ARHGAP44: variants seen among roughly 807,000 people sequenced by gnomAD.
The protein encoded by ARHGAP44 is Rho GTPase activating protein 44, also known as rho GTPase-activating protein 44.
A neutral mutation model predicts 106.8 loss-of-function variants in ARHGAP44; 43 were observed. The observed-to-expected ratio is 0.40, with a 90% CI of 0.32 to 0.52. ARHGAP44 has a LOEUF of 0.52. Ranked by LOEUF, ARHGAP44 falls within the 20% of genes least tolerant of loss-of-function variation. ARHGAP44 has a pLI of 0.48. For missense variants in ARHGAP44, 866 were observed against 1,050.5 expected (o/e 0.82, Z 2.43); for synonymous variants, 439 against 410.3 (o/e 1.07, Z -0.85).
chr17:12,927,163 G>C (rs1032424140), intron 6 of ARHGAP44, among the ~76,000 whole-genome samples: 2 of 151,920 alleles, frequency 1.3e-5, no homozygotes, highest in African/African-American at 4.8e-5. Context: ...TCTTATCTTG[G>C]AATCAGGAAT....
At chr17:12,975,577 T>G in intron 18 of ARHGAP44, among the ~76,000 whole-genome samples, 1 of 151,890 alleles carries the variant, frequency 6.6e-6, no homozygotes, top group East Asian at 2.0e-4. Context: ...GGCGGGTGGA[T>G]CACGAGGTCA....
chr17:12,926,346 CAG>C (rs1480703530), intron 6 of ARHGAP44, among the ~76,000 whole-genome samples: 2 of 148,976 alleles, frequency 1.3e-5, no homozygotes, highest in Non-Finnish European at 3.0e-5. Flanking sequence ...GCCTGGGTGA[CAG>C]AGCGAGACTT....
intron 1 of ARHGAP44, among the ~76,000 whole-genome samples, chr17:12,844,714 C>A (rs1490368808): frequency 6.6e-6 from 1 of 152,118 alleles, no homozygotes; most frequent in African/African-American, 2.4e-5. Context: ...AAAACTCACT[C>A]ATTTTCATTT....
At chr17:12,800,194 C>T (rs2034048051) in intron 1 of ARHGAP44, among the ~76,000 whole-genome samples, 1 of 152,152 alleles carries the variant, frequency 6.6e-6, no homozygotes, top group Non-Finnish European at 1.5e-5. Context: ...TTCCTCGTTA[C>T]CTGAAAATTA....
At chr17:12,861,360 A>G (rs532854779) in intron 1 of ARHGAP44, among the ~76,000 whole-genome samples, 1 of 152,154 alleles carries the variant, frequency 6.6e-6, no homozygotes, top group Admixed American at 6.5e-5. Flanking sequence ...AAACAACACA[A>G]ATTTATCATC....
At position 12,949,837 on chromosome 17, in the gene ARHGAP44, A is replaced by G; in HGVS notation, c.1055+107A>G. The G allele has an allele frequency of 9.1e-7, 1 of 1,099,422 alleles. No homozygotes were observed. Among genetic ancestry groups the G allele is most frequent in the Non-Finnish European group, 1.3e-6 (1 of 750,018 alleles). The allele number at this position is 1,099,422 out of a possible 1,614,324, so 68.1% of individuals were successfully genotyped here. ...TATGATCTCGCAACCCCGTTTCTTG[A>G]TCTCTGCCATGAAGGAGTGCTTATA... On this transcript the variant is annotated intron_variant, in intron 12 of 20. Transcript: ENST00000379672. This position sits in a 1 kb window ranked among gnomAD's most constrained non-coding sequence, Gnocchi z 4.1.
In ARHGAP44 at chr17:12,894,941, G is replaced by A; in HGVS notation, c.55G>A (p.Ala19Thr). The change falls in exon 2 of 21, where the codon GCT becomes ACT. Residue 19 changes from alanine to threonine, a missense_variant and splice_region_variant. Coordinates refer to ENST00000379672, the MANE Select transcript of ARHGAP44 (RefSeq NM_014859.6). ...RQLANQTVGR[A>T]EKTEVLSEDL... ...TATGTTTCTCAATGTTCTTTTTAGG[G>A]CTGAAAAGACAGAAGTTTTGAGTGA... The A allele has an allele frequency of 6.3e-7, 1 of 1,585,988 alleles. No individual in the cohort carries two copies. Among genetic ancestry groups the A allele is most frequent in the East Asian group, 2.3e-5 (1 of 44,010 alleles).
chr17:12,987,115 T>G (rs749418587), intron 20 of ARHGAP44: 2 of 1,533,578 alleles, frequency 1.3e-6, no homozygotes, highest in Non-Finnish European at 1.7e-6. Flanking sequence ...GTGACATGAG[T>G]GGCGCAGTTT....
At chr17:12,913,968 C>CAAAAAAAA (rs58231055) in intron 4 of ARHGAP44, among the ~76,000 whole-genome samples, 17 of 63,442 alleles carry the variant, frequency 2.7e-4, no homozygotes, top group South Asian at 7.0e-4. Flanking sequence ...GATTTTGTCT[C>CAAAAAAAA]AAAAAAAAAA....
intron 1 of ARHGAP44, among the ~76,000 whole-genome samples, chr17:12,859,576 T>A (rs899984147): frequency 6.6e-6 from 1 of 152,266 alleles, no homozygotes; most frequent in Non-Finnish European, 1.5e-5. Context: ...CTGACTCTTC[T>A]GTTATTCTCT....
chr17:12,812,062 A>G (rs1199279154), intron 1 of ARHGAP44, among the ~76,000 whole-genome samples: 1 of 152,170 alleles, frequency 6.6e-6, no homozygotes, highest in Non-Finnish European at 1.5e-5. Flanking sequence ...TTCTCATTCA[A>G]CAAAGAGTAT....
At chr17:12,873,727 G>A (rs543799361) in intron 1 of ARHGAP44, among the ~76,000 whole-genome samples, 57 of 152,046 alleles carry the variant, frequency 3.7e-4, no homozygotes, top group Non-Finnish European at 5.0e-4. Flanking sequence ...GTGAAAGCCC[G>A]TCTCTACTAA....
At chr17:12,986,922 A>G (rs2039974318) in intron 20 of ARHGAP44, 2 of 603,774 alleles carry the variant, frequency 3.3e-6, no homozygotes, top group Admixed American at 3.0e-5. Flanking sequence ...TCCTTTTGGC[A>G]GCAGACTGTT....
chr17:12,953,358 C>G (rs775154266), intron 13 of ARHGAP44, among the ~76,000 whole-genome samples: 1 of 152,224 alleles, frequency 6.6e-6, no homozygotes, highest in Non-Finnish European at 1.5e-5. Flanking sequence ...CCGGCCCTGC[C>G]GCCTTTCCTC....
At chr17:12,973,502 G>GC in intron 17 of ARHGAP44, 183 bp downstream of exon 17, 6 of 648,604 alleles carry the variant, frequency 9.3e-6, no homozygotes, top group Non-Finnish European at 5.3e-6. Context: ...GGCACAAGCA[G>GC]CCCCTTCCCT....
At chr17:12,907,132 G>A (rs2037575197) in intron 3 of ARHGAP44, among the ~76,000 whole-genome samples, 1 of 152,196 alleles carries the variant, frequency 6.6e-6, no homozygotes, top group Admixed American at 6.5e-5. Flanking sequence ...GAGGCTCTGG[G>A]CTGGGTGTAG....
At chr17:12,896,567 C>T in intron 3 of ARHGAP44, 56 bp downstream of exon 3, 2 of 1,458,280 alleles carry the variant, frequency 1.4e-6, no homozygotes, top group Non-Finnish European at 9.4e-7. Flanking sequence ...GGACAAGGTT[C>T]CTACTCCTGT....
intron 15 of ARHGAP44, 56 bp downstream of exon 15, chr17:12,956,802 C>T (rs1018218150): frequency 2.3e-5 from 35 of 1,521,660 alleles, no homozygotes; most frequent in African/African-American, 1.2e-4. Context: ...AGTATCACTG[C>T]GAGTTCTGAG....
chr17:12,836,920 A>G (rs1422031431), intron 1 of ARHGAP44, among the ~76,000 whole-genome samples: 2 of 152,224 alleles, frequency 1.3e-5, no homozygotes, highest in Non-Finnish European at 2.9e-5. Context: ...CTGTAAACCA[A>G]TTGGATCTAA....
Sources: gnomAD v4.1 joint callset for allele counts (sites outside exome capture counted in the v4.1 genomes callset) on GRCh38, gnomAD v4.1.1 for gene constraint, Gnocchi (gnomAD v3.1) non-coding constraint, MANE v1.5 for transcripts, NCBI Gene and HGNC (gene_info 2026-07-23, HGNC 2026-07-21) for gene names.